Variants in RBPJL observed in about 807,000 individuals in gnomAD.
RBPJL encodes the protein recombining binding protein suppressor of hairless-like protein.
In RBPJL, 50 loss-of-function variants were observed where a neutral mutation model predicts 57.6. The ratio of observed to expected loss-of-function variants is 0.87; its 90% CI spans 0.69 to 1.10. RBPJL has a LOEUF of 1.10. RBPJL is among the 50% of genes least tolerant of loss of function. The pLI is 0.00. For missense variants in RBPJL, 684 were observed against 693.7 expected (o/e 0.99, Z 0.16); for synonymous variants, 303 against 294.4 (o/e 1.03, Z -0.30).
chr20:45,314,281 C>A, intron 8 of RBPJL, 132 bp from the exon 9 acceptor site: 2 of 1,276,302 alleles, frequency 1.6e-6, no homozygotes, highest in Non-Finnish European at 2.2e-6. Flanking sequence ...TAGGACCAGA[C>A]AGAAGTCAAA....
rs1987536162 is a variant in RBPJL, at chr20:45,317,644, A to C, written c.*685A>C. On this transcript the variant is annotated 3_prime_UTR_variant, in exon 12 of 12. Coordinates refer to ENST00000343694, the MANE Select transcript of RBPJL (RefSeq NM_014276.4). ...AGACTCTCTCTGACTGCAGCCAGGC[A>C]TAGTACCTTTGCCTGTGTTTGCTCC... 6.6e-6 allele frequency: 1 copy of C among 152,394 alleles called. No homozygotes were observed. The highest frequency in any genetic ancestry group is 1.9e-4 in the East Asian group (1 of 5,190). 9.4% of individuals were successfully genotyped at this position (152,394 alleles called of 1,614,324 possible). A position where few individuals can be genotyped will look rare whatever the true frequency, so the allele number is the denominator to read the frequency against.
chr20:45,316,210 G>A lies in RBPJL; in HGVS notation c.1044G>A (p.Ala348=). 6.2e-7 allele frequency: 1 copy of A among 1,614,194 alleles called. No individual in the cohort carries two copies. Among genetic ancestry groups the A allele is most frequent in the Non-Finnish European group, 8.5e-7 (1 of 1,180,006 alleles). The change falls in exon 10 of 12, where the codon GCG becomes GCA. Residue 348 remains alanine (A), a synonymous_variant. Transcript: ENST00000343694. The stretch of plus-strand genomic sequence containing the variant: ...AGGCCTCTCCCTGCCCCAAGGAGGC[G>A]AACAGGGCTCTGCTTAACGACAGCT... ...QFQASPCPKE[A]NRALLNDSSC...
intron 1 of RBPJL, among the ~76,000 whole-genome samples, chr20:45,307,867 G>C (rs1053637418): frequency 2.0e-5 from 3 of 152,176 alleles, no homozygotes; most frequent in Non-Finnish European, 1.5e-5. Flanking sequence ...AAGATTCAGA[G>C]ATGCCCTGAG....
chr20:45,316,744 C>G lies in RBPJL; in HGVS notation c.1339C>G (p.Arg447Gly). 1 of 1,613,362 alleles carries G rather than the reference C, an allele frequency of 6.2e-7. No individual in the cohort carries two copies. Among genetic ancestry groups the G allele is most frequent in the South Asian group, 1.1e-5 (1 of 91,050 alleles). The change falls in exon 12 of 12, where the codon CGC (arginine) becomes GGC (glycine). Residue 447 changes from arginine (R) to glycine (G), a missense_variant. By Grantham distance (125) the Arg-to-Gly change is moderately radical. Transcript: ENST00000343694. Reference sequence around the variant, plus strand: ...CGTGGCGGCCTTCTGCAGCGACTGGCGCTGGCTGCGCGCTCCCATCACAAT... The same window carrying G: ...CGTGGCGGCCTTCTGCAGCGACTGGGGCTGGCTGCGCGCTCCCATCACAAT... ...PDVAAFCSDW[R>G]WLRAPITIPM...
In RBPJL at chr20:45,311,626, C is replaced by T; in HGVS notation, c.295C>T (p.Pro99Ser). The T allele has an allele frequency of 1.2e-6, 2 of 1,614,178 alleles. No individual in the cohort carries two copies. Among genetic ancestry groups the T allele is most frequent in the South Asian group, 1.1e-5 (1 of 91,082 alleles). ...CCCGCCCTGTGTCTACCTCTCGGGG[C>T]CTGGCTGGAGGGTGAAGCCAGGGCA... ...CPPPCVYLSG[P>S]GWRVKPGQDQ... Residue 99 changes from proline (P) to serine (S), a missense_variant, in exon 4 of 12, where the codon CCT (proline) becomes TCT (serine). Physicochemically the swap from Pro to Ser is moderately conservative, Grantham distance 74. Transcript: ENST00000343694.
chr20:45,308,250 AGGTAACGGC>A lies in RBPJL; in HGVS notation c.131+2_131+10del. The A allele has an allele frequency of 6.2e-7, 1 of 1,607,230 alleles. No individual in the cohort carries two copies. Among genetic ancestry groups the A allele is most frequent in the Non-Finnish European group, 8.5e-7 (1 of 1,173,766 alleles). The stretch of plus-strand genomic sequence containing the variant: ...GCGGAGCCTCCCGGGCACTTGGACC[AGGTAACGGC>A]GGCGTGGCAGCGTGCCCTAGGTGGG... On this transcript the variant is annotated splice_donor_variant and splice_donor_5th_base_variant and coding_sequence_variant and intron_variant, in exon 2 of 12. Coordinates refer to ENST00000343694, the MANE Select transcript of RBPJL (RefSeq NM_014276.4). LOFTEE classifies it high-confidence loss of function.
At chr20:45,308,016 G>C (rs1052450018) in intron 1 of RBPJL, 127 bp from the exon 2 acceptor site, 4 of 626,936 alleles carry the variant, frequency 6.4e-6, no homozygotes, top group Non-Finnish European at 1.2e-5. Flanking sequence ...CTTTGAGGGT[G>C]GGGGCTCGAT....
At chr20:45,309,826 C>A (rs1478835712) in intron 3 of RBPJL, 134 bp downstream of exon 3, 7 of 1,148,888 alleles carry the variant, frequency 6.1e-6, no homozygotes, top group Admixed American at 3.0e-5. Context: ...TCGACCAGGG[C>A]CTTGACCCTC....
Position 45,317,479 on chromosome 20 carries a change from G to A in RBPJL, c.*520G>A, listed in dbSNP as rs1987530339. 1 of 154,162 alleles carries A rather than the reference G, an allele frequency of 6.5e-6. No homozygotes were observed. Among genetic ancestry groups the A allele is most frequent in the Non-Finnish European group, 1.4e-5 (1 of 69,592 alleles). 9.5% of individuals were successfully genotyped at this position (154,162 alleles called of 1,614,324 possible). ...GGGGCATCAGGACCCTGGAGCACCA[G>A]GTCCTTCCTGGAATATTAGATCCAC... On this transcript the variant is annotated 3_prime_UTR_variant, in exon 12 of 12. Transcript: ENST00000343694.
intron 3 of RBPJL, among the ~76,000 whole-genome samples, chr20:45,310,189 G>A (rs1358524524): frequency 2.6e-5 from 4 of 152,330 alleles, no homozygotes; most frequent in Admixed American, 2.6e-4. Context: ...GAAGGCAGGG[G>A]GGACATTAGC....
Position 45,312,407 on chromosome 20 carries a change from G to A in RBPJL, c.619+12G>A. The A allele has an allele frequency of 1.2e-6, 2 of 1,609,378 alleles. No individual in the cohort carries two copies. Among genetic ancestry groups the A allele is most frequent in the Non-Finnish European group, 1.7e-6 (2 of 1,177,784 alleles). Reference sequence around the variant, plus strand: ...GAAAAACACCGATCGTGAGCAGGGCGGGGCCTGACCCCCGGCCCGGGCGGG... The same window carrying A: ...GAAAAACACCGATCGTGAGCAGGGCAGGGCCTGACCCCCGGCCCGGGCGGG... On this transcript the variant is annotated intron_variant, in intron 6 of 11. Transcript: ENST00000343694.
Position 45,311,648 on chromosome 20 carries a change from G to T in RBPJL, c.317G>T (p.Gly106Val). ...GGGCCTGGCTGGAGGGTGAAGCCAG[G>T]GCAGGATCAAGGTGAGGGCGGAATC... The part of the protein sequence containing the change: ...LSGPGWRVKP[G>V]QDQAHQAGET... Residue 106 changes from glycine (G) to valine (V), a missense_variant, in exon 4 of 12, where the codon GGG (glycine) becomes GTG (valine). Coordinates refer to ENST00000343694, the MANE Select transcript of RBPJL (RefSeq NM_014276.4). The T allele has an allele frequency of 6.2e-7, 1 of 1,614,142 alleles. No individual in the cohort carries two copies. Among genetic ancestry groups the T allele is most frequent in the African/African-American group, 1.3e-5 (1 of 75,048 alleles).
chr20:45,311,548 G>A (rs1987166495), intron 3 of RBPJL, 41 bp from the exon 4 acceptor site: 20 of 1,598,772 alleles, frequency 1.3e-5, no homozygotes, highest in Non-Finnish European at 1.7e-5. Context: ...AGAGCCAAGT[G>A]GAGATGGATG....
chr20:45,312,113 A>G, intron 5 of RBPJL, 108 bp from the exon 6 acceptor site: 1 of 1,472,668 alleles, frequency 6.8e-7, no homozygotes, highest in Non-Finnish European at 9.4e-7. Context: ...TGGATGGTGG[A>G]GCTTCTGGTC....
Position 45,316,274 on chromosome 20 carries a change from T to A in RBPJL, c.1108T>A (p.Ser370Thr). ...CATCGGCACCGAGTCGGTGGAATTT[T>A]CCTTCAGCACCAGCCTGGCGTGTAC... ...TIIGTESVEF[S>T]FSTSLACTLE... is the part of the protein sequence containing the mutation. Residue 370 changes from serine to threonine, a missense_variant, in exon 10 of 12, where the codon TCC becomes ACC. Transcript: ENST00000343694. 1 of 1,614,216 alleles carries A rather than the reference T, an allele frequency of 6.2e-7. No homozygotes were observed. The highest frequency in any genetic ancestry group is 8.5e-7 in the Non-Finnish European group (1 of 1,180,016).
chr20:45,314,685 A>C, intron 9 of RBPJL, 120 bp downstream of exon 9: 2 of 883,690 alleles, frequency 2.3e-6, no homozygotes, highest in East Asian at 5.0e-5. Context: ...CCCATGGAAC[A>C]TTAAAATCAT....
At chr20:45,314,664 C>A in intron 9 of RBPJL, 99 bp downstream of exon 9, 1 of 1,125,704 alleles carries the variant, frequency 8.9e-7, no homozygotes, top group Non-Finnish European at 1.3e-6. Flanking sequence ...TTGCTACTTC[C>A]TGAGCAGCCT....
In RBPJL at chr20:45,316,207, G is replaced by A; in HGVS notation, c.1041G>A (p.Glu347=). Residue 347 remains glutamate (E), a synonymous_variant, in exon 10 of 12, where the codon GAG becomes GAA. Coordinates refer to ENST00000343694, the MANE Select transcript of RBPJL (RefSeq NM_014276.4). ...VQFQASPCPK[E]ANRALLNDSS... ...CCCAGGCCTCTCCCTGCCCCAAGGA[G>A]GCGAACAGGGCTCTGCTTAACGACA... 1.2e-6 allele frequency: 2 copies of A among 1,614,168 alleles called. No individual in the cohort carries two copies. Among genetic ancestry groups the A allele is most frequent in the Middle Eastern group, 3.3e-4 (2 of 6,056 alleles).
At chr20:45,308,472 C>T (rs760048384) in intron 2 of RBPJL, 28 of 555,964 alleles carry the variant, frequency 5.0e-5, no homozygotes, top group African/African-American at 7.5e-5. Flanking sequence ...GGGCTAGCTG[C>T]GGGCCAGGCT....
Sources: allele counts gnomAD v4.1 joint callset (sites outside exome capture counted in the v4.1 genomes callset), GRCh38; gene constraint gnomAD v4.1.1; transcripts MANE v1.5; gene names NCBI Gene and HGNC (gene_info 2026-07-23, HGNC 2026-07-21).